TCAF1: variants seen among roughly 807,000 people sequenced by gnomAD.
TCAF1 encodes TRPM8 channel-associated factor 1.
Under a neutral mutation model 27.3 loss-of-function variants are expected in TCAF1, and 4 were observed. The observed-to-expected ratio is 0.15, with a 90% CI of 0.07 to 0.34. TCAF1 has a LOEUF of 0.34. TCAF1 is among the 10% of genes least tolerant of loss of function. The pLI is 1.00. For synonymous variants in TCAF1, 105 were observed against 167.1 expected (o/e 0.63, Z 2.87); for missense variants, 257 against 425.8 (o/e 0.60, Z 3.49).
intron 1 of TCAF1, among the ~76,000 whole-genome samples, chr7:143,895,566 T>C (rs1048861064): frequency 4.0e-5 from 6 of 151,858 alleles, no homozygotes; most frequent in African/African-American, 1.4e-4. Context: ...TAGGACCATA[T>C]ACATATATAA....
chr7:143,889,651 A>G (rs751925112), intron 1 of TCAF1, among the ~76,000 whole-genome samples: 5 of 152,252 alleles, frequency 3.3e-5, no homozygotes, highest in Admixed American at 6.5e-5. Context: ...GGTCCAGTCA[A>G]AGCAAAAGCA....
In TCAF1 at chr7:143,859,895, T is replaced by TAC. The variant is rs1563210943; in HGVS notation, c.2167+312_2167+313insGT. Among the ~76,000 whole-genome samples, 449 of 84,558 alleles carry TAC rather than the reference T, an allele frequency of 5.3e-3. 23 individuals carry two copies. The highest frequency in any genetic ancestry group is 0.019 in the African/African-American group (407 of 21,908). The allele number at this position is 84,558 out of a possible 152,430, so 55.5% of individuals were successfully genotyped here. On this transcript the variant is annotated intron_variant, in intron 6 of 8. Transcript: ENST00000479870. Reference sequence around the variant, plus strand: ...TACATATATACATATATATAATATATATTATATAATATATATTACGGAATA... The same window carrying TAC: ...TACATATATACATATATATAATATATACATTATATAATATATATTACGGAATA...
chr7:143,853,831 CAAT>C lies in TCAF1; in HGVS notation c.*299_*301del. On this transcript the variant is annotated 3_prime_UTR_variant, in exon 9 of 9. Transcript: ENST00000479870. ...ATAACAAGAAATTTTTAACTGGTAT[CAAT>C]AGTGGAGACTGCCTGTGTTCTGTGC... 2 of 9,734 alleles carry C rather than the reference CAAT, an allele frequency of 2.1e-4. No individual in the cohort carries two copies. Among genetic ancestry groups the C allele is most frequent in the Non-Finnish European group, 4.5e-4 (2 of 4,420 alleles). The allele number at this position is 9,734 out of a possible 1,614,324, so 0.6% of individuals were successfully genotyped here.
chr7:143,878,480 C>G (rs1812843894), intron 1 of TCAF1, among the ~76,000 whole-genome samples: 1 of 152,190 alleles, frequency 6.6e-6, no homozygotes, highest in African/African-American at 2.4e-5. Context: ...TAGCCCCAGT[C>G]TTGAGGTAAC....
intron 1 of TCAF1, among the ~76,000 whole-genome samples, chr7:143,893,685 T>G (rs975147013): frequency 6.6e-6 from 1 of 151,820 alleles, no homozygotes; most frequent in African/African-American, 2.4e-5. Flanking sequence ...GAAATCACAA[T>G]GGAAATTAGA....
At chr7:143,883,001 T>G in intron 1 of TCAF1, 3 of 436,454 alleles carry the variant, frequency 6.9e-6, no homozygotes, top group Non-Finnish European at 9.1e-6. Flanking sequence ...CCCTGGTGGC[T>G]TGGCATTGCT....
At chr7:143,859,950 A>G (rs1811846071) in intron 6 of TCAF1, among the ~76,000 whole-genome samples, 1 of 59,742 alleles carries the variant, frequency 1.7e-5, no homozygotes, top group East Asian at 6.3e-4. Flanking sequence ...TATATAATAT[A>G]TATTACGGAA....
intron 1 of TCAF1, among the ~76,000 whole-genome samples, chr7:143,889,414 C>T (rs540011764): frequency 2.0e-5 from 3 of 152,270 alleles, no homozygotes; most frequent in African/African-American, 7.2e-5. Flanking sequence ...GTTCAGCTTA[C>T]ACAATTCTGA....
intron 1 of TCAF1, among the ~76,000 whole-genome samples, chr7:143,895,066 G>A (rs1157958451): frequency 6.6e-6 from 1 of 151,720 alleles, no homozygotes; most frequent in African/African-American, 2.4e-5. Context: ...ATTAACTATA[G>A]TGACAATATC....
At position 143,879,773 on chromosome 7, in the gene TCAF1, T is replaced by C. The variant is rs554433799; in HGVS notation, c.-14-3151A>G. On this transcript the variant is annotated intron_variant, in intron 1 of 8. Transcript: ENST00000479870. ...AACCCACACCTATCCAACTTCCACA[T>C]AGCCCCCAGATACCCCATTGTACCC... 1.4e-4 allele frequency among the ~76,000 whole-genome samples: 22 copies of C among 152,238 alleles called. No individual in the cohort carries two copies. In the South Asian group the frequency reaches 4.1e-3, roughly 29 times the overall value.
At chr7:143,890,843 G>A (rs974210885) in intron 1 of TCAF1, among the ~76,000 whole-genome samples, 1 of 152,172 alleles carries the variant, frequency 6.6e-6, no homozygotes, top group Non-Finnish European at 1.5e-5. Flanking sequence ...TGATTCCTAA[G>A]CTATGCATGC....
chr7:143,890,515 A>C (rs1813595263), intron 1 of TCAF1, among the ~76,000 whole-genome samples: 1 of 152,220 alleles, frequency 6.6e-6, no homozygotes, highest in African/African-American at 2.4e-5. Context: ...CTCCCATTGG[A>C]AACAATAATA....
At position 143,876,618 on chromosome 7, in the gene TCAF1, G is replaced by T. The variant is rs1181414190; in HGVS notation, c.-10C>A. On this transcript the variant is annotated 5_prime_UTR_variant, in exon 2 of 9. Coordinates refer to ENST00000479870, the MANE Select transcript of TCAF1 (RefSeq NM_014719.3). ...CAGAGGGAGTCGCCATGGCTCTATT[G>T]GTTTCTGCAGAGAAGAAAGCAAAGG... 6.7e-7 allele frequency: 1 copy of T among 1,490,830 alleles called. No individual in the cohort carries two copies. Among genetic ancestry groups the T allele is most frequent in the Middle Eastern group, 1.8e-4 (1 of 5,530 alleles). 92.4% of individuals were successfully genotyped at this position (1,490,830 alleles called of 1,614,324 possible). A position where few individuals can be genotyped will look rare whatever the true frequency, so the allele number is the denominator to read the frequency against.
In TCAF1 at chr7:143,886,700, CT is replaced by C. The variant is rs11398264; in HGVS notation, c.-14-10079del. Among the ~76,000 whole-genome samples the C allele has an allele frequency of 6.5e-3, 575 of 89,146 alleles. 2 individuals are homozygous for C. The highest frequency in any genetic ancestry group is 0.024 in the African/African-American group (469 of 19,862). 58.5% of individuals were successfully genotyped at this position (89,146 alleles called of 152,430 possible). On this transcript the variant is annotated intron_variant, in intron 1 of 8. Coordinates refer to ENST00000479870, the MANE Select transcript of TCAF1 (RefSeq NM_014719.3). ...CTTTTAATGCTTCCTCAAATTTTAC[CT>C]TTTTTTTTTTTTTTTTTTTTTTGAG...
intron 1 of TCAF1, among the ~76,000 whole-genome samples, chr7:143,890,280 C>T (rs949247994): frequency 1.3e-5 from 2 of 152,124 alleles, no homozygotes; most frequent in African/African-American, 4.8e-5. Flanking sequence ...GGGAGAAGGG[C>T]ACCCATTTTT....
At chr7:143,881,463 A>G (rs1813017215) in intron 1 of TCAF1, among the ~76,000 whole-genome samples, 2 of 152,164 alleles carry the variant, frequency 1.3e-5, no homozygotes, top group Admixed American at 6.5e-5. Context: ...TTTCCAAGAC[A>G]TCGGGCTAGT....
At chr7:143,899,701 CT>C (rs1814034015) in intron 1 of TCAF1, among the ~76,000 whole-genome samples, 2 of 151,992 alleles carry the variant, frequency 1.3e-5, no homozygotes, top group African/African-American at 4.8e-5. Flanking sequence ...GAAAGAAAAC[CT>C]CAAAAGCAAA....
intron 1 of TCAF1, chr7:143,882,768 G>C: frequency 1.0e-6 from 1 of 985,946 alleles, no homozygotes; most frequent in Non-Finnish European, 1.2e-6. Context: ...GGGGGCAGGT[G>C]GGAGCGGGCA....
In TCAF1 at chr7:143,891,569, TACATA is replaced by T. The variant is rs142455224; in HGVS notation, c.-15+10387_-15+10391del. On this transcript the variant is annotated intron_variant, in intron 1 of 8. Transcript: ENST00000479870. ...AGCAAAGGTAAGTAGAAAGTATCCA[TACATA>T]ACATAAGAGGAAAGAAAACATGATA... is the stretch of plus-strand genomic sequence containing the variant. 9.1e-3 allele frequency among the ~76,000 whole-genome samples: 1,388 copies of T among 152,080 alleles called. 24 individuals carry two copies. Among genetic ancestry groups the T allele is most frequent in the African/African-American group, 0.031 (1,294 of 41,500 alleles).
Sources: allele counts gnomAD v4.1 joint callset (sites outside exome capture counted in the v4.1 genomes callset), GRCh38; gene constraint gnomAD v4.1.1; transcripts MANE v1.5; gene names NCBI Gene and HGNC (gene_info 2026-07-23, HGNC 2026-07-21).